Variants in TRMT44 observed in about 807,000 individuals in gnomAD.
TRMT44 encodes the protein tRNA methyltransferase 44 homolog.
Under a neutral mutation model 77.3 loss-of-function variants are expected in TRMT44, and 78 were observed. That is an observed-to-expected ratio of 1.01 (90% confidence interval 0.84 to 1.22). TRMT44 has a LOEUF of 1.22. Ranked by LOEUF, TRMT44 falls within the 50% of genes most tolerant of loss-of-function variation. The probability of loss-of-function intolerance (pLI) is 0.00; values close to 1 mark genes in which losing one functional copy is unlikely to be tolerated. For missense variants in TRMT44, 1,090 were observed against 964.4 expected, an observed-to-expected ratio of 1.13 and a Z score of -1.73; for synonymous variants, 391 against 383.3, an observed-to-expected ratio of 1.02 and a Z score of -0.23.
At chr4:8,467,360 T>C (rs1319263489) in intron 8 of TRMT44, among the ~76,000 whole-genome samples, 1 of 152,138 alleles carries the variant, frequency 6.6e-6, no homozygotes, top group East Asian at 1.9e-4. Flanking sequence ...TTTAGGCGCC[T>C]TTGTTAGATC....
At chr4:8,473,845 G>A (rs976303308) in intron 10 of TRMT44, among the ~76,000 whole-genome samples, 1 of 152,170 alleles carries the variant, frequency 6.6e-6, no homozygotes, top group Non-Finnish European at 1.5e-5. Flanking sequence ...TAAGAGGGGC[G>A]GCCGGGAGCT....
At chr4:8,516,090 A>G in the TRMT44 span, among the ~76,000 whole-genome samples, 1 of 152,144 alleles carries the variant, frequency 6.6e-6, no homozygotes, top group Non-Finnish European at 1.5e-5. Context: ...ACTTCATAAA[A>G]TTAACCAGGG....
chr4:8,502,506 A>C, the TRMT44 span, among the ~76,000 whole-genome samples: 14 of 152,384 alleles, frequency 9.2e-5, no homozygotes, highest in East Asian at 2.7e-3. Flanking sequence ...ATCAGGCTGC[A>C]ATCACGGTAC....
At position 8,461,561 on chromosome 4, in the gene TRMT44, C is replaced by T. The variant is rs1363243271; in HGVS notation, c.1204-2424C>T. On this transcript the variant is annotated intron_variant, in intron 6 of 10. Coordinates refer to ENST00000389737, the MANE Select transcript of TRMT44 (RefSeq NM_152544.3). This position sits in a 1 kb window ranked among gnomAD's most constrained non-coding sequence, Gnocchi z 4.6. ...ACGGGCGGAGGCTCTAGTTCTTTAG[C>T]TGAGGTTTCCCAGCAGCCTGCATCA... 6.6e-6 allele frequency among the ~76,000 whole-genome samples: 1 copy of T among 152,116 alleles called. No homozygotes were observed. Among genetic ancestry groups the T allele is most frequent in the East Asian group, 1.9e-4 (1 of 5,184 alleles).
At chr4:8,462,715 C>T (rs936935728) in intron 6 of TRMT44, among the ~76,000 whole-genome samples, 1 of 152,114 alleles carries the variant, frequency 6.6e-6, no homozygotes, top group African/African-American at 2.4e-5. Context: ...AAAACAACAA[C>T]AACAAAACAA....
chr4:8,481,679 T>G (rs1472832223), intron 2 of TRMT44, among the ~76,000 whole-genome samples: 1 of 152,234 alleles, frequency 6.6e-6, no homozygotes, highest in Non-Finnish European at 1.5e-5. Context: ...ACTTTTAAAC[T>G]TTTTTGTTAA....
At chr4:8,496,545 A>G (rs1430779748), downstream of TRMT44, among the ~76,000 whole-genome samples, 1 of 152,232 alleles carries the variant, frequency 6.6e-6, no homozygotes, top group Non-Finnish European at 1.5e-5. Flanking sequence ...GGCACTTGAC[A>G]GTAGAAAGAC....
intron 2 of TRMT44, among the ~76,000 whole-genome samples, chr4:8,482,008 C>A (rs988832425): frequency 2.0e-5 from 3 of 152,224 alleles, no homozygotes; most frequent in Non-Finnish European, 4.4e-5. Context: ...TGAAAGAAAG[C>A]CTTCCGTGTT....
At chr4:8,471,507 G>C (rs545054454) in intron 10 of TRMT44, among the ~76,000 whole-genome samples, 1 of 152,354 alleles carries the variant, frequency 6.6e-6, no homozygotes, top group Admixed American at 6.5e-5. Flanking sequence ...AGAGCAAGTC[G>C]GGTAGCCGCT....
chr4:8,484,098 C>G (rs1001874347), intron 2 of TRMT44, among the ~76,000 whole-genome samples: 36 of 152,132 alleles, frequency 2.4e-4, no homozygotes, highest in African/African-American at 8.5e-4. Flanking sequence ...GTGGCTTGTA[C>G]TATAGCATAG....
chr4:8,441,331 G>T lies in TRMT44; in HGVS notation c.509G>T (p.Gly170Val). 2 of 1,535,546 alleles carry T rather than the reference G, an allele frequency of 1.3e-6. No individual in the cohort carries two copies. ...LLAFLTSSGA[G>V]SQPEAQRELD... is the part of the protein sequence containing the mutation. The stretch of plus-strand genomic sequence containing the variant: ...GCCTTCCTCACCAGCTCCGGGGCGG[G>T]ATCGCAGCCAGAGGCGCAGCGTGAG... The change falls in exon 1 of 11, where the codon GGA (glycine) becomes GTA (valine). Residue 170 changes from glycine (G) to valine (V), a missense_variant. Coordinates refer to ENST00000389737, the MANE Select transcript of TRMT44 (RefSeq NM_152544.3).
downstream of TRMT44, among the ~76,000 whole-genome samples, chr4:8,493,784 G>A (rs948041300): frequency 3.9e-5 from 6 of 151,960 alleles, no homozygotes; most frequent in African/African-American, 1.2e-4. Context: ...AGCAGCTGTC[G>A]CTTTGTCCTT....
chr4:8,504,453 GC>G, the TRMT44 span, among the ~76,000 whole-genome samples: 1 of 152,064 alleles, frequency 6.6e-6, no homozygotes, highest in African/African-American at 2.4e-5. The surrounding 1 kb of genome is among the most constrained non-coding windows in gnomAD (Gnocchi z 5.3). Flanking sequence ...AGCAGCTCCT[GC>G]CCCGCCCCAC....
At chr4:8,470,915 A>C in intron 9 of TRMT44, 169 bp from the exon 10 acceptor site, 1 of 552,864 alleles carries the variant, frequency 1.8e-6, no homozygotes, top group Non-Finnish European at 3.3e-6. Flanking sequence ...CACGGCCCTC[A>C]CGGTTTGGTG....
At chr4:8,493,696 C>G (rs1289038427), downstream of TRMT44, among the ~76,000 whole-genome samples, 1 of 152,054 alleles carries the variant, frequency 6.6e-6, no homozygotes, top group Non-Finnish European at 1.5e-5. Context: ...CCGTTAGTCA[C>G]CTTGCTCTCA....
chr4:8,464,127 G>T, intron 7 of TRMT44, 36 bp downstream of exon 7: 2 of 1,564,862 alleles, frequency 1.3e-6, no homozygotes, highest in South Asian at 1.1e-5. Context: ...GAATGGCTGG[G>T]GAATGCTTCA....
chr4:8,505,803 G>A, the TRMT44 span, among the ~76,000 whole-genome samples: 1 of 152,196 alleles, frequency 6.6e-6, no homozygotes, highest in East Asian at 1.9e-4. Context: ...CACAGGGGCG[G>A]TTTCCCCCAT....
downstream of TRMT44, chr4:8,479,187 G>T (rs1251618762): frequency 1.3e-5 from 2 of 152,100 alleles, no homozygotes; most frequent in African/African-American, 4.8e-5. Context: ...GAGAGTCCCA[G>T]AGGAGAAGCT....
intron 10 of TRMT44, among the ~76,000 whole-genome samples, chr4:8,472,482 G>T (rs1206589858): frequency 6.6e-6 from 1 of 152,238 alleles, no homozygotes; most frequent in Non-Finnish European, 1.5e-5. Context: ...GGGATCAGGT[G>T]CAGTACAGTG....
Sources: allele counts gnomAD v4.1 joint callset (sites outside exome capture counted in the v4.1 genomes callset), GRCh38; gene constraint gnomAD v4.1.1; non-coding constraint Gnocchi (gnomAD v3.1); transcripts MANE v1.5; gene names NCBI Gene and HGNC (gene_info 2026-07-23, HGNC 2026-07-21).